EIF2S1: variants seen among roughly 807,000 people sequenced by gnomAD.
EIF2S1 encodes eukaryotic translation initiation factor 2 subunit 1.
Under a neutral mutation model 33.5 loss-of-function variants are expected in EIF2S1, and 5 were observed. That is an observed-to-expected ratio of 0.15 (90% CI 0.08 to 0.31). The LOEUF (loss-of-function observed/expected upper bound fraction) is 0.31. Among genes scored for constraint, EIF2S1 ranks in the 10% least tolerant of loss-of-function variants. The probability of loss-of-function intolerance (pLI) is 1.00; values close to 1 mark genes in which losing one functional copy is unlikely to be tolerated. For missense variants in EIF2S1, 191 were observed against 384.6 expected (o/e 0.50, Z 4.21); for synonymous variants, 99 against 127.5 (o/e 0.78, Z 1.51).
At chr14:67,368,544 G>A (rs2085796543) in intron 2 of EIF2S1, among the ~76,000 whole-genome samples, 2 of 152,162 alleles carry the variant, frequency 1.3e-5, no homozygotes, top group Non-Finnish European at 2.9e-5. Flanking sequence ...TGGATGCCAA[G>A]TAGTTAAATA....
chr14:67,380,378 A>G (rs561633124), intron 4 of EIF2S1, among the ~76,000 whole-genome samples: 6 of 152,190 alleles, frequency 3.9e-5, no homozygotes, highest in African/African-American at 9.6e-5. Context: ...AGGGACAGCT[A>G]ATTGCATGGA....
chr14:67,383,469 G>A lies in EIF2S1; in HGVS notation c.*29G>A, dbSNP rs183335075. The A allele has an allele frequency of 2.6e-3, 4,247 of 1,610,368 alleles. 5 individuals carry two copies. Among genetic ancestry groups the A allele is most frequent in the Non-Finnish European group, 3.4e-3 (3,979 of 1,177,560 alleles). ...TGTGGGAAACAGAGTCCAATTTAAGGAACACAGAGCAGCGCTTCCTGGCTG... is the reference window on the plus strand; with the variant it reads ...TGTGGGAAACAGAGTCCAATTTAAGAAACACAGAGCAGCGCTTCCTGGCTG... On this transcript the variant is annotated 3_prime_UTR_variant, in exon 8 of 8. Transcript: ENST00000256383.
chr14:67,382,782 G>T, intron 7 of EIF2S1, 192 bp downstream of exon 7: 1 of 587,428 alleles, frequency 1.7e-6, no homozygotes. Context: ...TAAATGAGAA[G>T]TTTTTTTATG....
chr14:67,368,712 A>G (rs186768205), intron 2 of EIF2S1, among the ~76,000 whole-genome samples: 29 of 141,286 alleles, frequency 2.1e-4, no homozygotes, highest in Non-Finnish European at 3.9e-4. Flanking sequence ...AAGGATGTAT[A>G]TTGTAAATTC....
At chr14:67,360,567 T>G (rs962507170) in intron 1 of EIF2S1, 111 bp downstream of exon 1, 9 of 201,854 alleles carry the variant, frequency 4.5e-5, no homozygotes, top group African/African-American at 2.1e-4. Flanking sequence ...TTCCCGTCCC[T>G]GCGCGGGAAG....
At chr14:67,366,866 T>C (rs1365275864) in intron 2 of EIF2S1, among the ~76,000 whole-genome samples, 1 of 139,178 alleles carries the variant, frequency 7.2e-6, no homozygotes, top group Non-Finnish European at 1.5e-5. Flanking sequence ...TTACACCTTT[T>C]TTTTTGACCT....
At chr14:67,361,251 A>T (rs1182605831) in intron 1 of EIF2S1, among the ~76,000 whole-genome samples, 1 of 152,246 alleles carries the variant, frequency 6.6e-6, no homozygotes, top group African/African-American at 2.4e-5. Context: ...GAGAAAAAGT[A>T]TAGCAGAGAA....
At chr14:67,377,057 C>G (rs1595648832) in intron 4 of EIF2S1, among the ~76,000 whole-genome samples, 2 of 152,120 alleles carry the variant, frequency 1.3e-5, no homozygotes, top group African/African-American at 4.8e-5. Flanking sequence ...CCCAGTTGGT[C>G]CTATTATTTG....
chr14:67,378,716 C>G (rs1174277996), intron 4 of EIF2S1, among the ~76,000 whole-genome samples: 1 of 152,192 alleles, frequency 6.6e-6, no homozygotes, highest in Non-Finnish European at 1.5e-5. Flanking sequence ...TGTGTTATTC[C>G]CTTTTCCTTA....
At chr14:67,379,648 C>CTTTTACTTTTTT (rs2085875340) in intron 4 of EIF2S1, among the ~76,000 whole-genome samples, 1 of 135,324 alleles carries the variant, frequency 7.4e-6, no homozygotes, top group African/African-American at 3.1e-5. Context: ...TTCTTTTTTT[C>CTTTTACTTTTTT]TTTTTCTTTT....
At chr14:67,378,617 A>C (rs1325798429) in intron 4 of EIF2S1, among the ~76,000 whole-genome samples, 1 of 152,174 alleles carries the variant, frequency 6.6e-6, no homozygotes, top group Admixed American at 6.5e-5. Context: ...TACATTTCTT[A>C]ACTTGTCTCA....
rs1340437161 is a variant in EIF2S1, at chr14:67,385,726, A to G, written c.*2286A>G. ...GGCAGGTCTCGAAATCCTGGGCTCA[A>G]GCTATCCTCCTGCCTCTGCCTCTGT... On this transcript the variant is annotated 3_prime_UTR_variant, in exon 8 of 8. Transcript: ENST00000256383. 1 of 150,304 alleles carries G rather than the reference A, an allele frequency of 6.7e-6. No individual in the cohort carries two copies. The highest frequency in any genetic ancestry group is 2.1e-4 in the South Asian group (1 of 4,742). The allele number at this position is 150,304 out of a possible 1,614,324, so 9.3% of individuals were successfully genotyped here. A position where few individuals can be genotyped will look rare whatever the true frequency, so the allele number is the denominator to read the frequency against.
chr14:67,377,876 G>A (rs2085865531), intron 4 of EIF2S1, among the ~76,000 whole-genome samples: 1 of 152,036 alleles, frequency 6.6e-6, no homozygotes, highest in Admixed American at 6.6e-5. Flanking sequence ...GTAAGGCTGA[G>A]GTGGGAGGAT....
chr14:67,365,561 T>C (rs557409444), intron 2 of EIF2S1, among the ~76,000 whole-genome samples: 10 of 152,320 alleles, frequency 6.6e-5, no homozygotes, highest in African/African-American at 2.4e-4. Flanking sequence ...TCAGACAGTT[T>C]TGGATGAGCA....
chr14:67,368,439 G>A (rs1481506591), intron 2 of EIF2S1, among the ~76,000 whole-genome samples: 2 of 152,112 alleles, frequency 1.3e-5, no homozygotes, highest in Non-Finnish European at 2.9e-5. Flanking sequence ...ACAAATGTCA[G>A]AGCCTCAAGA....
chr14:67,364,845 C>G lies in EIF2S1; in HGVS notation c.78C>G (p.Ser26=). Residue 26 remains serine, a synonymous_variant, in exon 2 of 8, where the codon TCC becomes TCG. Transcript: ENST00000256383. The part of the protein sequence containing the change: ...VEDVVMVNVR[S]IAEMGAYVSL... Reference sequence around the variant, plus strand: ...ATGTAGTGATGGTGAATGTCAGATCCATTGCTGAAATGGGGGCTTATGTCA... The same window carrying G: ...ATGTAGTGATGGTGAATGTCAGATCGATTGCTGAAATGGGGGCTTATGTCA... The G allele has an allele frequency of 6.2e-7, 1 of 1,613,922 alleles. No individual in the cohort carries two copies. The highest frequency in any genetic ancestry group is 8.5e-7 in the Non-Finnish European group (1 of 1,179,924).
At chr14:67,370,048 AG>A (rs1299085443) in intron 2 of EIF2S1, among the ~76,000 whole-genome samples, 2 of 152,232 alleles carry the variant, frequency 1.3e-5, no homozygotes, top group East Asian at 1.9e-4. Flanking sequence ...ATTAACTAAA[AG>A]TATCCCTTAT....
intron 2 of EIF2S1, among the ~76,000 whole-genome samples, chr14:67,373,853 G>A (rs573444485): frequency 2.1e-4 from 32 of 151,718 alleles, no homozygotes; most frequent in Non-Finnish European, 4.0e-4. Flanking sequence ...GTGTGTGTGT[G>A]TGTGTGTGTG....
chr14:67,374,607 AT>A, intron 3 of EIF2S1, 60 bp downstream of exon 3: 1 of 1,167,880 alleles, frequency 8.6e-7, no homozygotes, highest in African/African-American at 1.5e-5. Flanking sequence ...ATAATTTGAA[AT>A]CTTAATTTCA....
Sources: allele counts gnomAD v4.1 joint callset (sites outside exome capture counted in the v4.1 genomes callset), GRCh38; gene constraint gnomAD v4.1.1; transcripts MANE v1.5; gene names NCBI Gene and HGNC (gene_info 2026-07-23, HGNC 2026-07-21).